The following STXBP6 variants were observed in gnomAD, a reference collection of about 807,000 sequenced individuals.
The protein encoded by STXBP6 is syntaxin-binding protein 6.
STXBP6 carries 21 observed loss-of-function variants against 26.9 expected under a neutral mutation model. The ratio of observed to expected loss-of-function variants is 0.78; its 90% confidence interval spans 0.55 to 1.12. STXBP6 has a LOEUF of 1.12. Among genes scored for constraint, STXBP6 ranks in the 50% most tolerant of loss-of-function variants. The pLI is 0.00. For synonymous variants in STXBP6, 97 were observed against 92.6 expected, an observed-to-expected ratio of 1.05 and a Z score of -0.27; for missense variants, 232 against 257.9, an observed-to-expected ratio of 0.90 and a Z score of 0.69.
chr14:25,019,530 T>A (rs1160415502), intron 1 of STXBP6, among the ~76,000 whole-genome samples: 1 of 152,214 alleles, frequency 6.6e-6, no homozygotes, highest in Non-Finnish European at 1.5e-5. Flanking sequence ...GGAAATAGAT[T>A]TAAAGAAAAC....
intron 2 of STXBP6, among the ~76,000 whole-genome samples, chr14:24,929,304 T>C (rs1009119024): frequency 1.2e-4 from 18 of 152,232 alleles, no homozygotes; most frequent in African/African-American, 4.3e-4. Flanking sequence ...GCATTTTCCA[T>C]TACAACTTTC....
intron 2 of STXBP6, among the ~76,000 whole-genome samples, chr14:24,865,749 T>C (rs1429883496): frequency 6.6e-6 from 1 of 152,140 alleles, no homozygotes; most frequent in African/African-American, 2.4e-5. Flanking sequence ...AGCAATGCTC[T>C]AGTCCTGTAC....
intron 2 of STXBP6, among the ~76,000 whole-genome samples, chr14:24,923,300 T>C (rs1566478929): frequency 6.6e-6 from 1 of 152,208 alleles, no homozygotes; most frequent in Non-Finnish European, 1.5e-5. Flanking sequence ...GTGGGGTTTA[T>C]TCATGTTGAT....
chr14:24,821,578 A>G (rs1015863028), intron 4 of STXBP6, among the ~76,000 whole-genome samples: 1 of 152,320 alleles, frequency 6.6e-6, no homozygotes, highest in Non-Finnish European at 1.5e-5. Context: ...GAATTCGAAC[A>G]AATTTCATTT....
chr14:24,880,505 C>T (rs1212856411), intron 2 of STXBP6, among the ~76,000 whole-genome samples: 4 of 152,090 alleles, frequency 2.6e-5, no homozygotes, highest in African/African-American at 7.2e-5. Flanking sequence ...AACCAGGAAA[C>T]GTACAGGAAG....
At chr14:24,852,102 C>G (rs2069177251) in intron 4 of STXBP6, among the ~76,000 whole-genome samples, 1 of 152,124 alleles carries the variant, frequency 6.6e-6, no homozygotes, top group Non-Finnish European at 1.5e-5. Context: ...ACCTTCCAAT[C>G]ACAAATCTTT....
chr14:24,884,329 A>T (rs1212121243), intron 2 of STXBP6, among the ~76,000 whole-genome samples: 1 of 152,240 alleles, frequency 6.6e-6, no homozygotes, highest in African/African-American at 2.4e-5. Context: ...GAACAGCTGC[A>T]AACAGCTCCT....
At position 24,997,997 on chromosome 14, in the gene STXBP6, T is replaced by TA. The variant is rs1217309517; in HGVS notation, c.-32-23148dup. 6.1e-3 allele frequency among the ~76,000 whole-genome samples: 925 copies of TA among 152,330 alleles called. 8 individuals carry two copies. The highest frequency in any genetic ancestry group is 0.021 in the African/African-American group (868 of 41,582). The stretch of plus-strand genomic sequence containing the variant: ...CACACTCTTTCCAATTTTTCAATGG[T>TA]AAAAAATATAACCACCATTGTGCAT... On this transcript the variant is annotated intron_variant, in intron 1 of 5. Coordinates refer to ENST00000323944, the MANE Select transcript of STXBP6 (RefSeq NM_001394410.1).
intron 1 of STXBP6, among the ~76,000 whole-genome samples, chr14:24,982,453 G>T (rs573433876): frequency 6.6e-6 from 1 of 152,196 alleles, no homozygotes; most frequent in South Asian, 2.1e-4. Flanking sequence ...GTTAGCCTGC[G>T]CTTGCTCTCT....
intron 4 of STXBP6, among the ~76,000 whole-genome samples, chr14:24,848,589 T>G (rs1274482059): frequency 6.6e-6 from 1 of 152,132 alleles, no homozygotes; most frequent in Non-Finnish European, 1.5e-5. Context: ...CAAAAGCATT[T>G]TAATGCACAA....
chr14:24,919,427 T>G (rs543934175), intron 2 of STXBP6, among the ~76,000 whole-genome samples: 2 of 149,978 alleles, frequency 1.3e-5, no homozygotes, highest in East Asian at 4.0e-4. Flanking sequence ...AACTGATAAA[T>G]AAATGCGAAA....
At chr14:24,960,613 C>T (rs567373258) in intron 2 of STXBP6, among the ~76,000 whole-genome samples, 2 of 152,216 alleles carry the variant, frequency 1.3e-5, no homozygotes, top group South Asian at 4.1e-4. Flanking sequence ...CAGAACACTC[C>T]CGATGGGCAC....
chr14:24,820,821 C>T (rs918102469), intron 4 of STXBP6, among the ~76,000 whole-genome samples: 9 of 152,206 alleles, frequency 5.9e-5, no homozygotes, highest in Non-Finnish European at 7.3e-5. Context: ...AGGGAAGTGA[C>T]ATGGATAGCA....
chr14:24,918,796 T>C (rs1396785210), intron 2 of STXBP6, among the ~76,000 whole-genome samples: 1 of 152,100 alleles, frequency 6.6e-6, no homozygotes, highest in Non-Finnish European at 1.5e-5. Flanking sequence ...CAGCATCTTA[T>C]GTTTGAATAT....
intron 2 of STXBP6, among the ~76,000 whole-genome samples, chr14:24,950,483 C>T (rs2073127735): frequency 6.6e-6 from 1 of 152,068 alleles, no homozygotes; most frequent in South Asian, 2.1e-4. Context: ...ATGATAGAAT[C>T]CTATTCAGCA....
chr14:24,851,638 A>G (rs1186349693), intron 4 of STXBP6, among the ~76,000 whole-genome samples: 1 of 152,092 alleles, frequency 6.6e-6, no homozygotes, highest in East Asian at 1.9e-4. Flanking sequence ...CACACGTATA[A>G]CAGTATAACA....
chr14:24,948,510 T>C (rs1008227096), intron 2 of STXBP6, among the ~76,000 whole-genome samples: 5 of 152,114 alleles, frequency 3.3e-5, no homozygotes, highest in Non-Finnish European at 5.9e-5. Context: ...TATGCTCACA[T>C]AGTTGATTTT....
chr14:24,983,422 A>G (rs1403226403), intron 1 of STXBP6, among the ~76,000 whole-genome samples: 1 of 152,244 alleles, frequency 6.6e-6, no homozygotes, highest in Non-Finnish European at 1.5e-5. Context: ...AAGCCACATA[A>G]AGATTGACTT....
At chr14:24,931,132 A>AC (rs1566486242) in intron 2 of STXBP6, among the ~76,000 whole-genome samples, 10 of 139,684 alleles carry the variant, frequency 7.2e-5, no homozygotes, top group East Asian at 6.2e-4. Context: ...AAAAAAAAAA[A>AC]AAAAAAAAAA....
Sources: gnomAD v4.1 joint callset for allele counts (sites outside exome capture counted in the v4.1 genomes callset) on GRCh38, gnomAD v4.1.1 for gene constraint, MANE v1.5 for transcripts, NCBI Gene and HGNC (gene_info 2026-07-23, HGNC 2026-07-21) for gene names.